Variants in PLCB4 observed in about 807,000 individuals in gnomAD.
PLCB4 encodes the protein phospholipase C beta 4.
In PLCB4, 77 loss-of-function variants were observed where a neutral mutation model predicts 178.8. The ratio of observed to expected loss-of-function variants is 0.43; its 90% CI spans 0.36 to 0.52. The LOEUF (loss-of-function observed/expected upper bound fraction) is 0.52, where lower values mean the gene tolerates loss of function less well. PLCB4 is among the 20% of genes least tolerant of loss of function. PLCB4 has a pLI of 0.00. For synonymous variants in PLCB4, 496 were observed against 490.8 expected, an observed-to-expected ratio of 1.01 and a Z score of -0.14; for missense variants, 1,024 against 1,453.4, an observed-to-expected ratio of 0.70 and a Z score of 4.80.
At chr20:9,233,817 T>C (rs2093961573) in intron 3 of PLCB4, among the ~76,000 whole-genome samples, 1 of 152,164 alleles carries the variant, frequency 6.6e-6, no homozygotes, top group Admixed American at 6.6e-5. Context: ...GGAAGGAGTT[T>C]TTAAAATTGT....
At chr20:9,194,413 G>A (rs1479446217) in intron 2 of PLCB4, among the ~76,000 whole-genome samples, 4 of 151,904 alleles carry the variant, frequency 2.6e-5, no homozygotes, top group South Asian at 2.1e-4. Flanking sequence ...TGGGCCGGGC[G>A]CAGTGGCTCA....
intron 7 of PLCB4, among the ~76,000 whole-genome samples, chr20:9,342,148 C>A (rs2033281297): frequency 6.6e-6 from 1 of 152,140 alleles, no homozygotes; most frequent in African/African-American, 2.4e-5. Flanking sequence ...TCAGCATTGA[C>A]AACATTTTCT....
chr20:9,297,209 C>A (rs1601680784), intron 3 of PLCB4, among the ~76,000 whole-genome samples: 1 of 152,012 alleles, frequency 6.6e-6, no homozygotes, highest in East Asian at 1.9e-4. Context: ...ATATATCTTG[C>A]ATGCTATCAA....
intron 7 of PLCB4, among the ~76,000 whole-genome samples, chr20:9,355,000 A>G (rs1303539984): frequency 2.0e-5 from 3 of 152,350 alleles, no homozygotes; most frequent in East Asian, 3.9e-4. Context: ...AGACAGCCCA[A>G]GTACATTCTA....
rs1463908280 is a variant in PLCB4, at chr20:9,090,221, A to G, written c.-134-6066A>G. Reference sequence around the variant, plus strand: ...ATAGTGTTATTTAATTGAGAATACTATTTATGTGTGTGTGTGTGTGTGTGT... The same window carrying G: ...ATAGTGTTATTTAATTGAGAATACTGTTTATGTGTGTGTGTGTGTGTGTGT... On this transcript the variant is annotated intron_variant, in intron 1 of 39. Transcript: ENST00000378473. Among the ~76,000 whole-genome samples, 7 of 58,864 alleles carry G rather than the reference A, an allele frequency of 1.2e-4. No individual in the cohort carries two copies. The South Asian group carries it at 4.6e-3, about 39-fold the overall frequency. The allele number at this position is 58,864 out of a possible 152,430, so 38.6% of individuals were successfully genotyped here. A position where few individuals can be genotyped will look rare whatever the true frequency, so the allele number is the denominator to read the frequency against.
chr20:9,281,749 G>A (rs2094496204), intron 3 of PLCB4, among the ~76,000 whole-genome samples: 1 of 151,758 alleles, frequency 6.6e-6, no homozygotes, highest in Admixed American at 6.6e-5. Flanking sequence ...ATTGTCTGTG[G>A]TTAGATGGCT....
intron 28 of PLCB4, among the ~76,000 whole-genome samples, chr20:9,424,852 A>T (rs1196298759): frequency 6.6e-6 from 1 of 152,098 alleles, no homozygotes; most frequent in African/African-American, 2.4e-5. Context: ...GGAACACATC[A>T]CTATTTTATC....
chr20:9,143,551 G>A (rs777329694), intron 2 of PLCB4, among the ~76,000 whole-genome samples: 2 of 152,096 alleles, frequency 1.3e-5, no homozygotes, highest in Admixed American at 6.6e-5. Flanking sequence ...TTTAAAAAAC[G>A]GTGGAGGGGA....
chr20:9,404,724 A>G (rs1028143406), intron 20 of PLCB4, among the ~76,000 whole-genome samples: 2 of 152,120 alleles, frequency 1.3e-5, no homozygotes, highest in Non-Finnish European at 2.9e-5. Context: ...ACTATTTGTC[A>G]CCATTCTAGA....
Position 9,426,990 on chromosome 20 carries a change from C to T in PLCB4, c.2524+3038C>T, listed in dbSNP as rs79418413. Among the ~76,000 whole-genome samples the T allele has an allele frequency of 3.3e-4, 50 of 152,018 alleles. No individual in the cohort carries two copies. In the East Asian group the frequency reaches 6.1e-3, roughly 18 times the overall value. On this transcript the variant is annotated intron_variant, in intron 28 of 39. Coordinates refer to ENST00000378473, the MANE Select transcript of PLCB4 (RefSeq NM_001377142.1). ...CTGTAATCCCAGCACTTTGGGAGGC[C>T]GAGGCGCGTGGATCACATGAGGCCA...
chr20:9,204,133 G>GAA (rs200808511), intron 2 of PLCB4, among the ~76,000 whole-genome samples: 1 of 146,978 alleles, frequency 6.8e-6, no homozygotes, highest in African/African-American at 2.5e-5. Flanking sequence ...GCAAAGAGAA[G>GAA]AAAAAAAAAC....
At chr20:9,345,791 A>T (rs190978793) in intron 7 of PLCB4, among the ~76,000 whole-genome samples, 1 of 152,324 alleles carries the variant, frequency 6.6e-6, no homozygotes, top group African/African-American at 2.4e-5. Context: ...CAAAAATATT[A>T]TGTATTCTTT....
chr20:9,205,278 A>G (rs1228917147), intron 2 of PLCB4, among the ~76,000 whole-genome samples: 1 of 152,146 alleles, frequency 6.6e-6, no homozygotes, highest in Non-Finnish European at 1.5e-5. Flanking sequence ...CTGTAGGCCA[A>G]TGTAAGCATT....
chr20:9,103,357 A>G (rs1461264226), intron 2 of PLCB4, among the ~76,000 whole-genome samples: 2 of 152,230 alleles, frequency 1.3e-5, no homozygotes, highest in Non-Finnish European at 2.9e-5. Context: ...AACCCATTAC[A>G]TGTTAACGTA....
intron 34 of PLCB4, among the ~76,000 whole-genome samples, 167 bp downstream of exon 34, chr20:9,457,656 C>T (rs1276287580): frequency 1.3e-5 from 2 of 152,144 alleles, no homozygotes; most frequent in Non-Finnish European, 2.9e-5. Flanking sequence ...TTGCCTCAGA[C>T]TCACTGGCTT....
At chr20:9,136,930 A>G (rs2092395741) in intron 2 of PLCB4, among the ~76,000 whole-genome samples, 1 of 151,958 alleles carries the variant, frequency 6.6e-6, no homozygotes, top group East Asian at 1.9e-4. Flanking sequence ...CTGGCTTTAG[A>G]ATGGGTTCAG....
intron 34 of PLCB4, 57 bp downstream of exon 34, chr20:9,457,546 T>A: frequency 1.2e-6 from 1 of 836,594 alleles, no homozygotes; most frequent in Non-Finnish European, 2.1e-6. Flanking sequence ...TGTAATTTTT[T>A]AGAAGGAGTA....
At chr20:9,171,515 A>C (rs768207990) in intron 2 of PLCB4, among the ~76,000 whole-genome samples, 1 of 152,210 alleles carries the variant, frequency 6.6e-6, no homozygotes, top group Admixed American at 6.5e-5. Flanking sequence ...CTGTATGTGC[A>C]TATTTATTCT....
chr20:9,218,314 T>G (rs535247746), intron 3 of PLCB4, among the ~76,000 whole-genome samples: 1 of 152,072 alleles, frequency 6.6e-6, no homozygotes, highest in African/African-American at 2.4e-5. Flanking sequence ...ACCATGTTAG[T>G]CAGGCTGGTC....
Sources: gnomAD v4.1 joint callset for allele counts (sites outside exome capture counted in the v4.1 genomes callset) on GRCh38, gnomAD v4.1.1 for gene constraint, MANE v1.5 for transcripts, NCBI Gene and HGNC (gene_info 2026-07-23, HGNC 2026-07-21) for gene names.